The following SLCO2A1 variants were observed in gnomAD, a reference collection of about 807,000 sequenced individuals.
SLCO2A1 encodes the protein matrin F/G 1.
SLCO2A1 carries 60 observed loss-of-function variants against 71.7 expected under a neutral mutation model. The ratio of observed to expected loss-of-function variants is 0.84; its 90% CI spans 0.68 to 1.04. The LOEUF (loss-of-function observed/expected upper bound fraction) is 1.04. Ranked by LOEUF, SLCO2A1 falls within the 50% of genes least tolerant of loss-of-function variation. SLCO2A1 has a pLI of 0.00. For missense variants in SLCO2A1, 745 were observed against 813.4 expected, an observed-to-expected ratio of 0.92 and a Z score of 1.02; for synonymous variants, 308 against 326.7, an observed-to-expected ratio of 0.94 and a Z score of 0.62.
At chr3:134,010,639 A>T (rs2108074370) in intron 1 of SLCO2A1, among the ~76,000 whole-genome samples, 1 of 151,520 alleles carries the variant, frequency 6.6e-6, no homozygotes, top group East Asian at 2.0e-4. Context: ...CTGTAATTCC[A>T]GCTACTCAAG....
chr3:134,004,254 T>G (rs1935160615), intron 1 of SLCO2A1, among the ~76,000 whole-genome samples: 1 of 152,160 alleles, frequency 6.6e-6, no homozygotes, highest in Middle Eastern at 3.2e-3. Context: ...GAAAAGGGAT[T>G]TTGTATATGT....
chr3:134,008,730 G>C (rs1576457633), intron 1 of SLCO2A1, among the ~76,000 whole-genome samples: 1 of 152,190 alleles, frequency 6.6e-6, no homozygotes. Flanking sequence ...CCTACACTCT[G>C]AGCCAGCCCC....
chr3:134,025,771 C>T (rs527460357), intron 1 of SLCO2A1, among the ~76,000 whole-genome samples: 2 of 152,108 alleles, frequency 1.3e-5, no homozygotes, highest in Non-Finnish European at 2.9e-5. Context: ...CCCCTTGATC[C>T]TCGCTGGAAA....
chr3:133,995,876 C>T (rs1291056177), intron 1 of SLCO2A1, among the ~76,000 whole-genome samples: 2 of 152,106 alleles, frequency 1.3e-5, no homozygotes, highest in Non-Finnish European at 2.9e-5. Context: ...ATTGTAGAAA[C>T]AGGTATTTTC....
At chr3:134,012,071 GT>G (rs1935357442) in intron 1 of SLCO2A1, among the ~76,000 whole-genome samples, 1 of 152,180 alleles carries the variant, frequency 6.6e-6, no homozygotes, top group South Asian at 2.1e-4. Flanking sequence ...GCTCCTGTCA[GT>G]GACCAGAACC....
At chr3:134,003,156 T>C (rs1935137175) in intron 1 of SLCO2A1, among the ~76,000 whole-genome samples, 1 of 152,264 alleles carries the variant, frequency 6.6e-6, no homozygotes, top group South Asian at 2.1e-4. Flanking sequence ...CTGGGACTTC[T>C]ACCTGTAGGT....
chr3:133,986,692 A>T (rs1934722124), intron 1 of SLCO2A1, among the ~76,000 whole-genome samples: 1 of 152,238 alleles, frequency 6.6e-6, no homozygotes, highest in Non-Finnish European at 1.5e-5. Context: ...AAGAAAGGCT[A>T]AAAAGCTACT....
intron 10 of SLCO2A1, 128 bp downstream of exon 10, chr3:133,944,967 G>T: frequency 8.8e-7 from 1 of 1,141,664 alleles, no homozygotes; most frequent in Non-Finnish European, 1.2e-6. Flanking sequence ...AGGAGGCCAG[G>T]ATGCTGGTAA....
chr3:134,016,187 A>G (rs1040922606), intron 1 of SLCO2A1, among the ~76,000 whole-genome samples: 2 of 152,196 alleles, frequency 1.3e-5, no homozygotes, highest in African/African-American at 4.8e-5. Context: ...GATAAATTAA[A>G]ATTCATCAAA....
rs963969071 is a variant in SLCO2A1, at chr3:134,029,871, G to A, written c.-69C>T. The A allele has an allele frequency of 1.1e-6, 1 of 899,490 alleles. No individual in the cohort carries two copies. Among genetic ancestry groups the A allele is most frequent in the Non-Finnish European group, 1.5e-6 (1 of 679,438 alleles). 55.7% of individuals were successfully genotyped at this position (899,490 alleles called of 1,614,324 possible). A position where few individuals can be genotyped will look rare whatever the true frequency, so the allele number is the denominator to read the frequency against. On this transcript the variant is annotated 5_prime_UTR_variant, in exon 1 of 14. Coordinates refer to ENST00000310926, the MANE Select transcript of SLCO2A1 (RefSeq NM_005630.3). ...GCGCCTCGGGCTGGAGCGGCCGGGC[G>A]GGTGAGAGGCGACCGCGGCGGCAGT...
In SLCO2A1 at chr3:133,937,902, C is replaced by T. The variant is rs552646804; in HGVS notation, c.1690+527G>A. Among the ~76,000 whole-genome samples the T allele has an allele frequency of 3.0e-4, 45 of 152,348 alleles. No individual in the cohort carries two copies. The South Asian group carries it at 9.3e-3, about 32-fold the overall frequency. On this transcript the variant is annotated intron_variant, in intron 12 of 13. Coordinates refer to ENST00000310926, the MANE Select transcript of SLCO2A1 (RefSeq NM_005630.3). ...CCTGCTGCCTCAAGCAGCTCGCTCT[C>T]CCCTGGGGCACTGCTGATCACTTGT...
At chr3:133,968,318 C>T (rs1445417552) in intron 3 of SLCO2A1, among the ~76,000 whole-genome samples, 1 of 151,970 alleles carries the variant, frequency 6.6e-6, no homozygotes, top group Admixed American at 6.5e-5. Flanking sequence ...CTGCCCAAAC[C>T]ACGGGTGCCC....
At chr3:133,937,195 G>T (rs1223760051) in intron 12 of SLCO2A1, among the ~76,000 whole-genome samples, 1 of 152,180 alleles carries the variant, frequency 6.6e-6, no homozygotes, top group African/African-American at 2.4e-5. Flanking sequence ...TGCTGGATGG[G>T]CTGAGAGGAA....
intron 1 of SLCO2A1, among the ~76,000 whole-genome samples, chr3:134,019,012 T>G (rs1444569231): frequency 6.6e-6 from 1 of 152,146 alleles, no homozygotes; most frequent in Non-Finnish European, 1.5e-5. Context: ...ACTGGGAGCA[T>G]CCACCTGAAG....
At chr3:133,979,343 T>C in intron 2 of SLCO2A1, 138 bp downstream of exon 2, 2 of 1,097,326 alleles carry the variant, frequency 1.8e-6, no homozygotes, top group Admixed American at 1.8e-5. Flanking sequence ...ATCTTTGCTG[T>C]TTCGTTTGCT....
intron 1 of SLCO2A1, among the ~76,000 whole-genome samples, chr3:134,017,866 G>A (rs1354120166): frequency 1.3e-5 from 2 of 152,168 alleles, no homozygotes; most frequent in Non-Finnish European, 2.9e-5. Context: ...GGGAAGCCAC[G>A]TGCACATCTC....
Position 133,934,639 on chromosome 3 carries a change from A to G in SLCO2A1, c.*74T>C, listed in dbSNP as rs1031850684. 6 of 1,017,342 alleles carry G rather than the reference A, an allele frequency of 5.9e-6. No individual in the cohort carries two copies. The Admixed American group carries it at 7.9e-5, about 13-fold the overall frequency. 63.0% of individuals were successfully genotyped at this position (1,017,342 alleles called of 1,614,324 possible). A position where few individuals can be genotyped will look rare whatever the true frequency, so the allele number is the denominator to read the frequency against. Reference sequence around the variant, plus strand: ...AATACAAAAAGGAAATGACGTGTTAACATTAGTGAGTATAGGCAGGTGTGG... The same window carrying G: ...AATACAAAAAGGAAATGACGTGTTAGCATTAGTGAGTATAGGCAGGTGTGG... On this transcript the variant is annotated 3_prime_UTR_variant, in exon 14 of 14. Coordinates refer to ENST00000310926, the MANE Select transcript of SLCO2A1 (RefSeq NM_005630.3).
chr3:133,936,452 C>T (rs1933273059), intron 12 of SLCO2A1, among the ~76,000 whole-genome samples: 1 of 152,188 alleles, frequency 6.6e-6, no homozygotes, highest in Admixed American at 6.5e-5. Flanking sequence ...TGCAGACCTC[C>T]CAATACCTGG....
chr3:133,951,059 C>T (rs1188178848), intron 6 of SLCO2A1, 149 bp downstream of exon 6: 1 of 1,032,542 alleles, frequency 9.7e-7, no homozygotes, highest in Admixed American at 1.7e-5. Context: ...CCTCTTAAAG[C>T]CTCTGGGAAG....
Sources: allele counts gnomAD v4.1 joint callset (sites outside exome capture counted in the v4.1 genomes callset), GRCh38; gene constraint gnomAD v4.1.1; transcripts MANE v1.5; gene names NCBI Gene and HGNC (gene_info 2026-07-23, HGNC 2026-07-21).